Variants in RHOT1 observed in about 807,000 individuals in gnomAD.
RHOT1 encodes the protein mitochondrial Rho GTPase 1.
Under a neutral mutation model 95.3 loss-of-function variants are expected in RHOT1, and 27 were observed. The observed-to-expected ratio is 0.28, with a 90% CI of 0.21 to 0.39. The LOEUF is 0.39. RHOT1 is among the 10% of genes least tolerant of loss of function. The pLI is 1.00. For synonymous variants in RHOT1, 227 were observed against 263.5 expected (o/e 0.86, Z 1.34); for missense variants, 578 against 786.7 (o/e 0.73, Z 3.17).
At chr17:32,149,633 A>ATGTGTGTGTGTGTGTGTGTGTG (rs1233010217) in intron 1 of RHOT1, among the ~76,000 whole-genome samples, 2 of 81,278 alleles carry the variant, frequency 2.5e-5, no homozygotes. Flanking sequence ...ATATATATAT[A>ATGTGTGTGTGTGTGTGTGTGTG]TATGTGTGTG....
chr17:32,207,729 TA>T lies in RHOT1; in HGVS notation c.1537-373del, dbSNP rs34096417. On this transcript the variant is annotated intron_variant, in intron 17 of 19. Transcript: ENST00000545287. The stretch of plus-strand genomic sequence containing the variant: ...ATGACTGCGACTATACAGACACACA[TA>T]AAAATGCATGTGCTCAAGGACTAGA... Among the ~76,000 whole-genome samples, 972 of 152,316 alleles carry T rather than the reference TA, an allele frequency of 6.4e-3. 14 individuals are homozygous for T. The highest frequency in any genetic ancestry group is 0.021 in the African/African-American group (883 of 41,572).
chr17:32,219,421 C>A (rs2038689246), intron 19 of RHOT1, among the ~76,000 whole-genome samples: 1 of 151,992 alleles, frequency 6.6e-6, no homozygotes, highest in South Asian at 2.1e-4. Flanking sequence ...GCCTCTGTGC[C>A]CAACCAGTTC....
chr17:32,170,279 G>A (rs1011596954), intron 1 of RHOT1, among the ~76,000 whole-genome samples: 3 of 152,086 alleles, frequency 2.0e-5, no homozygotes, highest in African/African-American at 7.2e-5. Flanking sequence ...GCTGGACGTG[G>A]TGACACATGC....
chr17:32,159,354 T>C (rs2033307748), intron 1 of RHOT1: 1 of 153,008 alleles, frequency 6.5e-6, no homozygotes, highest in South Asian at 2.1e-4. Flanking sequence ...GGGAGCAGTG[T>C]GATCAGGCAT....
intron 19 of RHOT1, among the ~76,000 whole-genome samples, chr17:32,216,509 A>C (rs1488851934): frequency 6.6e-6 from 1 of 152,162 alleles, no homozygotes; most frequent in African/African-American, 2.4e-5. Context: ...GTTCACACCG[A>C]ATATTTACAG....
At chr17:32,206,448 T>C (rs1158384030) in intron 16 of RHOT1, among the ~76,000 whole-genome samples, 1 of 117,486 alleles carries the variant, frequency 8.5e-6, no homozygotes, top group Admixed American at 8.2e-5. Context: ...TTTCTTTTTT[T>C]TTTTTTTTTT....
At chr17:32,209,271 A>G in intron 18 of RHOT1, 1 of 671,136 alleles carries the variant, frequency 1.5e-6, no homozygotes, top group Non-Finnish European at 2.4e-6. Context: ...AAGACAAGTC[A>G]TTCCTATTAT....
intron 1 of RHOT1, among the ~76,000 whole-genome samples, chr17:32,149,629 A>ATGTGTGTGTGTGTGTGTGTGTGTGTG (rs1204046813): frequency 3.4e-5 from 3 of 87,472 alleles, no homozygotes; most frequent in Non-Finnish European, 6.9e-5. Flanking sequence ...ATATATATAT[A>ATGTGTGTGTGTGTGTGTGTGTGTGTG]TATATATGTG....
At chr17:32,161,643 C>T (rs1479978107) in intron 1 of RHOT1, among the ~76,000 whole-genome samples, 1 of 152,116 alleles carries the variant, frequency 6.6e-6, no homozygotes, top group South Asian at 2.1e-4. Context: ...TGGCCTGTTC[C>T]CAGGAATGAC....
intron 1 of RHOT1, among the ~76,000 whole-genome samples, chr17:32,146,793 C>T (rs954090890): frequency 3.3e-5 from 5 of 150,970 alleles, no homozygotes; most frequent in Non-Finnish European, 5.9e-5. Context: ...CTTGCTCTGT[C>T]GCCCAGGCTG....
At chr17:32,215,159 G>A (rs1403715939) in intron 19 of RHOT1, among the ~76,000 whole-genome samples, 3 of 151,952 alleles carry the variant, frequency 2.0e-5, no homozygotes, top group African/African-American at 7.3e-5. Context: ...CTCCCAAAGT[G>A]CTGGGATTAC....
chr17:32,173,875 CCCAGAGAGAGTT>C lies in RHOT1; in HGVS notation c.145_156del (p.Glu49_Pro52del), dbSNP rs1188899464. ...AAATCACCATTCCAGCTGATGTCAC[CCCAGAGAGAGTT>C]CCAACACACATTGTAGATTACTCAG... On this transcript the variant is annotated inframe_deletion, in exon 3 of 20. Coordinates refer to ENST00000545287, the MANE Select transcript of RHOT1 (RefSeq NM_001033566.3). 2 of 1,611,452 alleles carry C rather than the reference CCCAGAGAGAGTT, an allele frequency of 1.2e-6. No homozygotes were observed.
Position 32,194,062 on chromosome 17 carries a change from G to T in RHOT1, c.824G>T (p.Gly275Val), listed in dbSNP as rs1446379654. The T allele has an allele frequency of 6.2e-7, 1 of 1,613,998 alleles. No individual in the cohort carries two copies. Among genetic ancestry groups the T allele is most frequent in the Non-Finnish European group, 8.5e-7 (1 of 1,180,010 alleles). The change falls in exon 11 of 20, where the codon GGT becomes GTT. Residue 275 changes from glycine to valine, a missense_variant. This residue lies in a region of RHOT1 where 227 missense variants were observed against 316.0 expected (regional missense o/e 0.72). Transcript: ENST00000545287. The stretch of plus-strand genomic sequence containing the variant: ...ACTTGGACTGTGCTTCGACGATTTG[G>T]TTATGATGATGACCTGGATTTGACA... ...ETTWTVLRRFGYDDDLDLTPE... is the reference protein window; with the variant it reads ...ETTWTVLRRFVYDDDLDLTPE...
chr17:32,175,435 C>A, intron 4 of RHOT1, 73 bp downstream of exon 4: 1 of 1,340,348 alleles, frequency 7.5e-7, no homozygotes. Context: ...CTGCCTTTTT[C>A]ATTCTCTTTG....
intron 11 of RHOT1, among the ~76,000 whole-genome samples, chr17:32,197,137 A>AG (rs1409508681): frequency 6.6e-6 from 1 of 151,864 alleles, no homozygotes; most frequent in East Asian, 1.9e-4. Context: ...AAAAAAAAAA[A>AG]GAAATGTCTT....
intron 19 of RHOT1, among the ~76,000 whole-genome samples, chr17:32,217,619 G>A (rs1244007066): frequency 2.0e-5 from 3 of 151,604 alleles, no homozygotes; most frequent in Admixed American, 6.6e-5. Context: ...GCTGGGCGTG[G>A]TGGTGCGCAC....
intron 19 of RHOT1, among the ~76,000 whole-genome samples, chr17:32,215,782 G>A (rs301349): frequency 1 from 152,129 of 152,344 alleles, 75,957 homozygotes; most frequent in Middle Eastern, 1. Context: ...TAACTTTGAT[G>A]TGTGAGAGTA....
At chr17:32,149,635 A>ATATATATGTG (rs1445281403) in intron 1 of RHOT1, among the ~76,000 whole-genome samples, 58 of 59,052 alleles carry the variant, frequency 9.8e-4, no homozygotes, top group Non-Finnish European at 1.5e-3. Context: ...ATATATATAT[A>ATATATATGTG]TGTGTGTGTG....
At chr17:32,202,172 AGTTCT>A (rs1474593360) in intron 14 of RHOT1, among the ~76,000 whole-genome samples, 2 of 152,162 alleles carry the variant, frequency 1.3e-5, no homozygotes, top group African/African-American at 2.4e-5. Flanking sequence ...GGCCTCCCAC[AGTTCT>A]GGGATTACAC....
Sources: gnomAD v4.1 joint callset for allele counts (sites outside exome capture counted in the v4.1 genomes callset) on GRCh38, gnomAD v4.1.1 for gene constraint, gnomAD v4.1.1 regional missense constraint, MANE v1.5 for transcripts, NCBI Gene and HGNC (gene_info 2026-07-23, HGNC 2026-07-21) for gene names.